Variants in ZFP64 observed in about 807,000 individuals in gnomAD.
The protein encoded by ZFP64 is ZFP64 zinc finger protein.
A neutral mutation model predicts 51.6 loss-of-function variants in ZFP64; 14 were observed. The observed-to-expected ratio is 0.27, with a 90% CI of 0.18 to 0.42. The LOEUF is 0.42. ZFP64 is among the 10% of genes least tolerant of loss of function. The pLI, the probability that ZFP64 is intolerant of heterozygous loss-of-function variation, is 1.00. For missense variants in ZFP64, 754 were observed against 906.8 expected, an observed-to-expected ratio of 0.83 and a Z score of 2.16; for synonymous variants, 375 against 361.4, an observed-to-expected ratio of 1.04 and a Z score of -0.43.
rs1433393207 is a variant in ZFP64 at position 52,146,136 on chromosome 20, G to A, written c.763+13987C>T. ...ATTAGCCTCAGCCTATGCAGGGTCA[G>A]GATCATCAAGATATCAGTAGGCAAT... On this transcript the variant is annotated intron_variant, in intron 5 of 8. Coordinates refer to the ZFP64 transcript ENST00000361387. Among the ~76,000 whole-genome samples the A allele has an allele frequency of 2.0e-5, 3 of 151,454 alleles. No homozygotes were observed. The East Asian group carries it at 5.8e-4, about 29-fold the overall frequency.
chr20:52,105,029 G>A (rs995345673), intron 5 of ZFP64: 5 of 1,318,132 alleles, frequency 3.8e-6, no homozygotes, highest in East Asian at 2.7e-5. Context: ...CGCTTCGCCC[G>A]CCCTTTCAGG....
intron 5 of ZFP64, among the ~76,000 whole-genome samples, chr20:52,099,360 T>C (rs1011637070): frequency 3.9e-5 from 6 of 152,146 alleles, no homozygotes; most frequent in Non-Finnish European, 5.9e-5. Flanking sequence ...GGATTTCTGA[T>C]TTGTTTTGCC....
intron 2 of ZFP64, among the ~76,000 whole-genome samples, chr20:52,184,345 G>A (rs914916498): frequency 7.2e-5 from 11 of 152,164 alleles, no homozygotes; most frequent in Admixed American, 1.3e-4. Flanking sequence ...AAGAACAGCT[G>A]CACTTTTGGA....
At chr20:52,126,939 A>T in intron 5 of ZFP64, among the ~76,000 whole-genome samples, 1 of 149,100 alleles carries the variant, frequency 6.7e-6, no homozygotes, top group African/African-American at 2.5e-5. Flanking sequence ...AGGAAGTGAT[A>T]TGGTTAGGCT....
At chr20:52,093,172 A>C (rs2078947572) in intron 7 of ZFP64, among the ~76,000 whole-genome samples, 1 of 151,730 alleles carries the variant, frequency 6.6e-6, no homozygotes, top group South Asian at 2.1e-4. Flanking sequence ...ACAGAGCCTC[A>C]CTCTGTCCCC....
Position 52,084,736 on chromosome 20 carries a change from C to T in ZFP64, c.1759G>A (p.Ala587Thr), listed in dbSNP as rs1472680420. The T allele has an allele frequency of 1.2e-6, 2 of 1,614,212 alleles. No homozygotes were observed. The highest frequency in any genetic ancestry group is 8.5e-7 in the Non-Finnish European group (1 of 1,180,036). The change falls in exon 9 of 9, where the codon GCC becomes ACC. Residue 587 changes from alanine (A) to threonine (T), a missense_variant. Ala to Thr is a moderately conservative substitution (Grantham distance 58). Transcript: ENST00000361387. ...AGAGAGTCATCCCTGACGAAGGAGG[C>T]GCCGCAGGTCTCACAGCGGAAGGCC... is the stretch of plus-strand genomic sequence containing the variant.
At chr20:52,138,692 T>C (rs1300159074) in intron 5 of ZFP64, among the ~76,000 whole-genome samples, 1 of 151,998 alleles carries the variant, frequency 6.6e-6, no homozygotes, top group Non-Finnish European at 1.5e-5. Flanking sequence ...GAAAGCTTAG[T>C]TTTAAAAATG....
At chr20:52,131,834 A>C (rs1356675898) in intron 5 of ZFP64, among the ~76,000 whole-genome samples, 1 of 152,214 alleles carries the variant, frequency 6.6e-6, no homozygotes, top group African/African-American at 2.4e-5. Flanking sequence ...ATCAACAAAG[A>C]AACATCGGAC....
In ZFP64 at chr20:52,104,047, G is replaced by T. The variant is rs550004648; in HGVS notation, c.764-5460C>A. ...CCTCCTTTCCGCGCCCGGAAAGAGCGGGGGAGAAGAGGAAGTCCAGTTACA... is the reference window on the plus strand; with the variant it reads ...CCTCCTTTCCGCGCCCGGAAAGAGCTGGGGAGAAGAGGAAGTCCAGTTACA... On this transcript the variant is annotated intron_variant, in intron 5 of 8. Coordinates refer to the ZFP64 transcript ENST00000361387. Among the ~76,000 whole-genome samples the T allele has an allele frequency of 3.3e-4, 50 of 152,310 alleles. No homozygotes were observed. The South Asian group carries it at 6.0e-3, about 18-fold the overall frequency.
At chr20:52,145,146 T>G (rs1320181666) in intron 5 of ZFP64, among the ~76,000 whole-genome samples, 1 of 152,200 alleles carries the variant, frequency 6.6e-6, no homozygotes, top group East Asian at 1.9e-4. Flanking sequence ...CAAGCAAAAA[T>G]CAGAGATAGC....
intron 5 of ZFP64, among the ~76,000 whole-genome samples, chr20:52,112,580 T>C (rs1273100105): frequency 6.6e-6 from 1 of 151,516 alleles, no homozygotes; most frequent in African/African-American, 2.4e-5. Flanking sequence ...CCTGGGCCTC[T>C]GGGGATGTGG....
chr20:52,102,533 G>C (rs1266144018), intron 5 of ZFP64, among the ~76,000 whole-genome samples: 3 of 152,050 alleles, frequency 2.0e-5, no homozygotes, highest in South Asian at 2.1e-4. Context: ...TGTCCCTCAG[G>C]GACAGACACA....
At chr20:52,175,411 C>T (rs555851565) in intron 2 of ZFP64, among the ~76,000 whole-genome samples, 1 of 152,262 alleles carries the variant, frequency 6.6e-6, no homozygotes, top group African/African-American at 2.4e-5. Context: ...GCAAGCGCCA[C>T]CGCGCCCAGC....
At chr20:52,113,680 C>G (rs1327025481) in intron 5 of ZFP64, among the ~76,000 whole-genome samples, 2 of 149,988 alleles carry the variant, frequency 1.3e-5, no homozygotes, top group African/African-American at 4.9e-5. Flanking sequence ...CTCAGATGAT[C>G]CACCTGCCTC....
downstream of ZFP64, among the ~76,000 whole-genome samples, chr20:52,149,810 A>G (rs958113485): frequency 6.6e-5 from 10 of 152,246 alleles, no homozygotes; most frequent in African/African-American, 2.4e-4. Context: ...TGGTAGGTAG[A>G]GATCTAAGGA....
intron 2 of ZFP64, among the ~76,000 whole-genome samples, chr20:52,172,417 G>A (rs936834677): frequency 6.6e-6 from 1 of 152,090 alleles, no homozygotes; most frequent in Non-Finnish European, 1.5e-5. Context: ...CATACTGCAA[G>A]TCGGGCACAC....
intron 7 of ZFP64, among the ~76,000 whole-genome samples, chr20:52,091,425 C>A (rs544246035): frequency 2.0e-5 from 3 of 152,144 alleles, no homozygotes; most frequent in Non-Finnish European, 4.4e-5. Context: ...GATAGGAACA[C>A]AATAGAAATT....
intron 5 of ZFP64, among the ~76,000 whole-genome samples, chr20:52,155,219 C>T (rs933903276): frequency 4.6e-5 from 7 of 152,152 alleles, no homozygotes; most frequent in African/African-American, 1.7e-4. Context: ...GATATTTGCT[C>T]CATCTGCAGC....
At chr20:52,148,269 A>C (rs1980620421), downstream of ZFP64, among the ~76,000 whole-genome samples, 1 of 152,232 alleles carries the variant, frequency 6.6e-6, no homozygotes, top group African/African-American at 2.4e-5. Flanking sequence ...TCTCAGATCT[A>C]TAATCTTCCA....
Sources: gnomAD v4.1 joint callset for allele counts (sites outside exome capture counted in the v4.1 genomes callset) on GRCh38, gnomAD v4.1.1 for gene constraint, MANE v1.5 for transcripts, NCBI Gene and HGNC (gene_info 2026-07-23, HGNC 2026-07-21) for gene names.